TMEM135: variants seen among roughly 807,000 people sequenced by gnomAD.
TMEM135 encodes transmembrane protein 135, also known as peroxisomal membrane protein 52.
TMEM135 carries 30 observed loss-of-function variants against 60.3 expected under a neutral mutation model. The observed-to-expected ratio is 0.50, with a 90% confidence interval of 0.37 to 0.68. TMEM135 has a LOEUF of 0.68. Ranked by LOEUF, TMEM135 falls within the 30% of genes least tolerant of loss-of-function variation. The probability of loss-of-function intolerance (pLI) is 0.00; values close to 1 mark genes in which losing one functional copy is unlikely to be tolerated. For missense variants in TMEM135, 468 were observed against 548.8 expected (o/e 0.85, Z 1.47); for synonymous variants, 190 against 186.7 (o/e 1.02, Z -0.14).
At chr11:87,057,556 G>A (rs961528489) in intron 1 of TMEM135, among the ~76,000 whole-genome samples, 15 of 152,270 alleles carry the variant, frequency 9.9e-5, no homozygotes, top group Admixed American at 7.9e-4. Flanking sequence ...ATAAGTAGAA[G>A]AGAATCTTGC....
At chr11:87,153,702 A>G (rs796403728) in intron 4 of TMEM135, among the ~76,000 whole-genome samples, 21 of 152,282 alleles carry the variant, frequency 1.4e-4, no homozygotes, top group African/African-American at 5.1e-4. Flanking sequence ...TAAACTCCTT[A>G]AAAATAAGGG....
chr11:87,250,374 T>C (rs1591139546), intron 6 of TMEM135, among the ~76,000 whole-genome samples: 1 of 152,088 alleles, frequency 6.6e-6, no homozygotes, highest in Non-Finnish European at 1.5e-5. Flanking sequence ...AGATGCATTG[T>C]TATGTTGTTT....
At chr11:87,180,930 C>T (rs1939497904) in intron 5 of TMEM135, among the ~76,000 whole-genome samples, 1 of 152,202 alleles carries the variant, frequency 6.6e-6, no homozygotes. Context: ...GACATAACCA[C>T]GACTCAGGGA....
At chr11:87,129,608 T>G (rs1937855170) in intron 4 of TMEM135, among the ~76,000 whole-genome samples, 1 of 146,620 alleles carries the variant, frequency 6.8e-6, no homozygotes, top group African/African-American at 2.6e-5. Flanking sequence ...TGGGGCAATC[T>G]GGGCTCACTG....
intron 4 of TMEM135, among the ~76,000 whole-genome samples, chr11:87,119,187 ATCTCT>A (rs1857975411): frequency 6.6e-6 from 1 of 152,176 alleles, no homozygotes; most frequent in African/African-American, 2.4e-5. Flanking sequence ...AAAGACATAC[ATCTCT>A]TCTTTTCACT....
At chr11:87,233,388 A>C (rs1940929697) in intron 5 of TMEM135, among the ~76,000 whole-genome samples, 1 of 152,116 alleles carries the variant, frequency 6.6e-6, no homozygotes, top group Non-Finnish European at 1.5e-5. Context: ...ATGCACTTCA[A>C]ATATAAAGAC....
At chr11:87,296,293 G>T (rs112561452) in intron 7 of TMEM135, among the ~76,000 whole-genome samples, 6 of 152,250 alleles carry the variant, frequency 3.9e-5, no homozygotes, top group African/African-American at 1.4e-4. Context: ...ATATACTGTA[G>T]AAATGTTCGT....
chr11:87,305,804 T>TAAATAAATAAAGAAAG (rs1026222945), intron 8 of TMEM135, 132 bp from the exon 9 acceptor site: 46 of 412,338 alleles, frequency 1.1e-4, no homozygotes, highest in Non-Finnish European at 1.8e-4. Context: ...AATAAATAAA[T>TAAATAAATAAAGAAAG]AAAGTGATGT....
intron 2 of TMEM135, among the ~76,000 whole-genome samples, chr11:87,071,100 G>A (rs1009192545): frequency 6.6e-6 from 1 of 152,156 alleles, no homozygotes; most frequent in African/African-American, 2.4e-5. Flanking sequence ...GAATGTGGCC[G>A]GCTGTTACTG....
intron 6 of TMEM135, 129 bp downstream of exon 6, chr11:87,236,813 G>C (rs958172167): frequency 2.4e-6 from 2 of 820,610 alleles, no homozygotes; most frequent in Non-Finnish European, 4.1e-6. Flanking sequence ...CCGCACCCCC[G>C]CCCAGAGTGG....
intron 4 of TMEM135, among the ~76,000 whole-genome samples, chr11:87,104,665 A>AT (rs1163492381): frequency 6.6e-6 from 1 of 151,838 alleles, no homozygotes; most frequent in Non-Finnish European, 1.5e-5. Flanking sequence ...TAAGGATTTT[A>AT]TTTTTTGTTG....
At position 87,038,058 on chromosome 11, in the gene TMEM135, A is replaced by C; in HGVS notation, c.13A>C (p.Ser5Arg). 1 of 1,613,946 alleles carries C rather than the reference A, an allele frequency of 6.2e-7. No individual in the cohort carries two copies. Among genetic ancestry groups the C allele is most frequent in the Non-Finnish European group, 8.5e-7 (1 of 1,179,974 alleles). Residue 5 changes from serine (S) to arginine (R), a missense_variant, in exon 1 of 15, where the codon AGC becomes CGC. Ser to Arg is a moderately radical substitution (Grantham distance 110). Coordinates refer to ENST00000305494, the MANE Select transcript of TMEM135 (RefSeq NM_022918.4). MAAL[S>R]KSIPHNCYEI... ...GCTGTTCCTCGTCATGGCGGCCCTC[A>C]GCAAGTCCATCCCTCATAACTGCTA...
chr11:87,189,048 A>G (rs1200923073), intron 5 of TMEM135, among the ~76,000 whole-genome samples: 2 of 150,694 alleles, frequency 1.3e-5, no homozygotes, highest in Non-Finnish European at 3.0e-5. Context: ...TAATAATGCT[A>G]TTCCTTACTT....
chr11:87,306,621 C>T (rs1942548065), intron 9 of TMEM135, among the ~76,000 whole-genome samples: 1 of 152,172 alleles, frequency 6.6e-6, no homozygotes, highest in Non-Finnish European at 1.5e-5. Flanking sequence ...TGTTGTCCCT[C>T]CTCCCTTCCC....
intron 13 of TMEM135, chr11:87,319,060 G>T (rs557519403): frequency 5.3e-4 from 222 of 415,946 alleles, no homozygotes; most frequent in African/African-American, 4.4e-3. Flanking sequence ...GTAGAGACGG[G>T]TTTTCTCCAT....
At chr11:87,190,051 A>T (rs933600503) in intron 5 of TMEM135, among the ~76,000 whole-genome samples, 1 of 152,238 alleles carries the variant, frequency 6.6e-6, no homozygotes, top group Admixed American at 6.5e-5. Context: ...TAGAAAAAGG[A>T]ACTGCTTTAT....
intron 4 of TMEM135, among the ~76,000 whole-genome samples, chr11:87,120,267 T>G (rs1453692556): frequency 6.6e-6 from 1 of 151,632 alleles, no homozygotes; most frequent in East Asian, 1.9e-4. Context: ...GACCAGCTAA[T>G]TTTTTAATTT....
At chr11:87,119,447 A>T (rs1045787109) in intron 4 of TMEM135, among the ~76,000 whole-genome samples, 6 of 152,252 alleles carry the variant, frequency 3.9e-5, no homozygotes, top group African/African-American at 1.2e-4. Context: ...TCATGCGTGT[A>T]ATCGCAGCAC....
intron 4 of TMEM135, among the ~76,000 whole-genome samples, chr11:87,120,116 C>T (rs60312333): frequency 0.4 from 44,109 of 111,450 alleles, 7,918 homozygotes; most frequent in East Asian, 0.63. Context: ...TCTTCTTCTT[C>T]TTTTTTTTTT....
Sources: gnomAD v4.1 joint callset for allele counts (sites outside exome capture counted in the v4.1 genomes callset) on GRCh38, gnomAD v4.1.1 for gene constraint, MANE v1.5 for transcripts, NCBI Gene and HGNC (gene_info 2026-07-23, HGNC 2026-07-21) for gene names.